Variants in GRM7 observed in about 807,000 individuals in gnomAD.
GRM7 encodes metabotropic glutamate receptor 7.
In GRM7, 35 loss-of-function variants were observed where a neutral mutation model predicts 84.5. The observed-to-expected ratio is 0.41, with a 90% CI of 0.32 to 0.55. The LOEUF (loss-of-function observed/expected upper bound fraction) is 0.55. Ranked by LOEUF, GRM7 falls within the 20% of genes least tolerant of loss-of-function variation. The probability of loss-of-function intolerance (pLI) is 0.19; values close to 1 mark genes in which losing one functional copy is unlikely to be tolerated. For synonymous variants in GRM7, 487 were observed against 455.1 expected (o/e 1.07, Z -0.89); for missense variants, 1,003 against 1,194.6 (o/e 0.84, Z 2.36).
At chr3:7,548,217 G>A (rs2125022592) in intron 7 of GRM7, among the ~76,000 whole-genome samples, 1 of 152,336 alleles carries the variant, frequency 6.6e-6, no homozygotes, top group African/African-American at 2.4e-5. Context: ...TCTAGGTAAT[G>A]AGTGAATGTC....
chr3:7,321,164 A>C (rs544258463), intron 4 of GRM7, among the ~76,000 whole-genome samples: 2 of 152,206 alleles, frequency 1.3e-5, no homozygotes, highest in South Asian at 4.1e-4. Flanking sequence ...GATAATGCAG[A>C]AAGATATAGC....
chr3:6,963,416 TA>T lies in GRM7; in HGVS notation c.519+101515del, dbSNP rs1267498857. Among the ~76,000 whole-genome samples, 5 of 152,166 alleles carry T rather than the reference TA, an allele frequency of 3.3e-5. No individual in the cohort carries two copies. The East Asian group carries it at 9.6e-4, about 29-fold the overall frequency. The stretch of plus-strand genomic sequence containing the variant: ...GCACAAAGATGTATAGATTACTGCA[TA>T]AAAAATATATCTCTGCTCATGATGT... On this transcript the variant is annotated intron_variant, in intron 1 of 9. Transcript: ENST00000357716.
At chr3:7,247,972 C>T (rs930836997) in intron 2 of GRM7, among the ~76,000 whole-genome samples, 3 of 152,070 alleles carry the variant, frequency 2.0e-5, no homozygotes, top group African/African-American at 7.2e-5. Context: ...AACAAGAAAC[C>T]AGTAATATTA....
intron 8 of GRM7, among the ~76,000 whole-genome samples, chr3:7,609,324 A>G (rs1162957313): frequency 6.6e-6 from 1 of 152,124 alleles, no homozygotes; most frequent in African/African-American, 2.4e-5. Context: ...TCATGAGGAA[A>G]GTGGGGTCCA....
chr3:7,547,195 T>TA (rs1693197823), intron 7 of GRM7, among the ~76,000 whole-genome samples: 1 of 38,590 alleles, frequency 2.6e-5, no homozygotes, highest in African/African-American at 1.4e-4. Flanking sequence ...GAGTGAATTC[T>TA]TTTTTTTTTT....
intron 9 of GRM7, among the ~76,000 whole-genome samples, chr3:7,699,451 T>C (rs1462941478): frequency 6.6e-6 from 1 of 152,206 alleles, no homozygotes; most frequent in Non-Finnish European, 1.5e-5. Flanking sequence ...AGGAAAAGCC[T>C]ATGTACTTTC....
intron 8 of GRM7, among the ~76,000 whole-genome samples, chr3:7,658,641 G>C (rs560813332): frequency 6.6e-6 from 1 of 152,276 alleles, no homozygotes; most frequent in Admixed American, 6.5e-5. Flanking sequence ...AATTTAAAGG[G>C]ATTATTTGGG....
intron 1 of GRM7, among the ~76,000 whole-genome samples, chr3:6,882,727 C>G (rs1483093022): frequency 6.6e-6 from 1 of 151,958 alleles, no homozygotes; most frequent in Non-Finnish European, 1.5e-5. Context: ...ATCTTTTTTG[C>G]TTATTAGTAT....
intron 2 of GRM7, among the ~76,000 whole-genome samples, chr3:7,203,588 C>T (rs1163931676): frequency 6.6e-6 from 1 of 152,030 alleles, no homozygotes; most frequent in Non-Finnish European, 1.5e-5. Context: ...ATACAGCTTT[C>T]TTTTTTCTTT....
intron 2 of GRM7, among the ~76,000 whole-genome samples, chr3:7,225,585 T>C (rs1438921123): frequency 6.7e-6 from 1 of 148,646 alleles, no homozygotes; most frequent in Non-Finnish European, 1.5e-5. Flanking sequence ...AAGAAATTAA[T>C]ATATACTTTC....
chr3:7,075,156 G>T (rs1449308775), intron 1 of GRM7, among the ~76,000 whole-genome samples: 1 of 152,198 alleles, frequency 6.6e-6, no homozygotes, highest in Non-Finnish European at 1.5e-5. Context: ...AGTCTGTATG[G>T]ACTCAGATGA....
intron 9 of GRM7, among the ~76,000 whole-genome samples, chr3:7,710,118 A>G (rs1289624476): frequency 6.6e-6 from 1 of 152,052 alleles, no homozygotes. Flanking sequence ...TATAAACAAT[A>G]CTATAAAAGG....
chr3:7,649,069 A>G (rs1372835779), intron 8 of GRM7, among the ~76,000 whole-genome samples: 1 of 150,484 alleles, frequency 6.6e-6, no homozygotes, highest in African/African-American at 2.5e-5. Context: ...TGAAATTCAG[A>G]TTTTCTTTTT....
At chr3:7,651,482 C>T (rs942700698) in intron 8 of GRM7, among the ~76,000 whole-genome samples, 4 of 152,100 alleles carry the variant, frequency 2.6e-5, no homozygotes, top group East Asian at 1.9e-4. Flanking sequence ...TTCTAGAACT[C>T]GGGCAAACTG....
intron 1 of GRM7, among the ~76,000 whole-genome samples, chr3:7,106,328 A>G (rs1388243076): frequency 6.6e-6 from 1 of 151,774 alleles, no homozygotes; most frequent in Non-Finnish European, 1.5e-5. Context: ...ACATGCATAT[A>G]GTATGCAGCC....
chr3:7,595,630 C>A (rs1696002422), intron 8 of GRM7, among the ~76,000 whole-genome samples: 1 of 151,840 alleles, frequency 6.6e-6, no homozygotes, highest in East Asian at 1.9e-4. Flanking sequence ...GTCAGGGATG[C>A]CATCTTGGAG....
intron 1 of GRM7, 69 bp from the exon 2 acceptor site, chr3:7,146,383 T>G: frequency 8.4e-7 from 1 of 1,188,240 alleles, no homozygotes; most frequent in East Asian, 2.3e-5. Context: ...AAGTAAACTG[T>G]CATAAGTATA....
At chr3:7,520,969 G>A (rs146863028) in intron 7 of GRM7, among the ~76,000 whole-genome samples, 145 of 152,150 alleles carry the variant, frequency 9.5e-4, no homozygotes, top group Middle Eastern at 3.4e-3. Context: ...TTCCTTTGAC[G>A]CCTACTATAC....
intron 7 of GRM7, among the ~76,000 whole-genome samples, chr3:7,482,560 C>T (rs1354253927): frequency 6.6e-6 from 1 of 151,992 alleles, no homozygotes; most frequent in African/African-American, 2.4e-5. Flanking sequence ...ATAAAGTGCC[C>T]CCGGATTTGT....
Sources: allele counts gnomAD v4.1 joint callset (sites outside exome capture counted in the v4.1 genomes callset), GRCh38; gene constraint gnomAD v4.1.1; transcripts MANE v1.5; gene names NCBI Gene and HGNC (gene_info 2026-07-23, HGNC 2026-07-21).